Variants in METTL15 observed in about 807,000 individuals in gnomAD.
METTL15 encodes 12S rRNA N(4)-cytidine methyltransferase METTL15.
A neutral mutation model predicts 38.3 loss-of-function variants in METTL15; 34 were observed. The observed-to-expected ratio is 0.89, with a 90% CI of 0.68 to 1.18. The LOEUF is 1.18. Ranked by LOEUF, METTL15 falls within the 50% of genes most tolerant of loss-of-function variation. The pLI is 0.00. For synonymous variants in METTL15, 162 were observed against 170.9 expected (o/e 0.95, Z 0.41); for missense variants, 438 against 498.4 (o/e 0.88, Z 1.15).
At chr11:28,182,544 T>G (rs1851330684) in intron 3 of METTL15, among the ~76,000 whole-genome samples, 1 of 152,118 alleles carries the variant, frequency 6.6e-6, no homozygotes, top group Non-Finnish European at 1.5e-5. Flanking sequence ...TTTGTCAGGT[T>G]TGTCAAAGAT....
chr11:28,523,943 G>T (rs1851787817), intron 6 of METTL15, among the ~76,000 whole-genome samples: 1 of 152,206 alleles, frequency 6.6e-6, no homozygotes, highest in Non-Finnish European at 1.5e-5. Flanking sequence ...AGCACAGAGT[G>T]GGTAGAGGCC....
intron 5 of METTL15, among the ~76,000 whole-genome samples, chr11:28,389,742 T>C (rs1221726754): frequency 1.3e-5 from 2 of 151,794 alleles, no homozygotes; most frequent in African/African-American, 2.4e-5. Flanking sequence ...TTTGGGTATA[T>C]ACCCAGTAAT....
chr11:28,258,425 C>A (rs1330266344), intron 4 of METTL15, among the ~76,000 whole-genome samples: 1 of 152,128 alleles, frequency 6.6e-6, no homozygotes, highest in East Asian at 1.9e-4. Context: ...CAACAGTCAG[C>A]AGGTAGCAAA....
At chr11:28,238,026 T>C (rs1854092680) in intron 4 of METTL15, among the ~76,000 whole-genome samples, 1 of 152,134 alleles carries the variant, frequency 6.6e-6, no homozygotes, top group South Asian at 2.1e-4. Context: ...GGAGGGTGCC[T>C]CCCAGTTAGG....
chr11:28,193,360 G>A (rs570480092), intron 3 of METTL15, among the ~76,000 whole-genome samples: 47 of 152,168 alleles, frequency 3.1e-4, no homozygotes, highest in African/African-American at 1.1e-3. Context: ...GTAGGCTAAG[G>A]GCAAGCAGGC....
chr11:28,326,663 A>T (rs189645552), intron 6 of METTL15, among the ~76,000 whole-genome samples: 106 of 151,934 alleles, frequency 7.0e-4, no homozygotes, highest in African/African-American at 2.4e-3. Flanking sequence ...TGCAGTCTCA[A>T]CCTCCCCAGA....
intron 4 of METTL15, among the ~76,000 whole-genome samples, chr11:28,214,402 C>T (rs763321171): frequency 1.3e-5 from 2 of 151,920 alleles, no homozygotes; most frequent in Non-Finnish European, 2.9e-5. Flanking sequence ...TATAGAAATA[C>T]AAAAATTGAA....
At chr11:28,213,623 A>G (rs1260879861) in intron 4 of METTL15, among the ~76,000 whole-genome samples, 2 of 151,232 alleles carry the variant, frequency 1.3e-5, no homozygotes, top group Non-Finnish European at 2.9e-5. Flanking sequence ...TCTTAAAAAA[A>G]AAAAAAAAAA....
chr11:28,222,477 A>T (rs1853284167), intron 4 of METTL15, among the ~76,000 whole-genome samples: 1 of 152,170 alleles, frequency 6.6e-6, no homozygotes, highest in Non-Finnish European at 1.5e-5. Flanking sequence ...TAGGAAAGGG[A>T]ATTCCCTGAC....
intron 3 of METTL15, among the ~76,000 whole-genome samples, chr11:28,142,395 G>T (rs946764548): frequency 5.3e-5 from 8 of 152,160 alleles, no homozygotes; most frequent in Admixed American, 5.2e-4. Flanking sequence ...TTATTTTTGG[G>T]TAAGTGTTAA....
In METTL15 at chr11:28,372,888, C is replaced by G. The variant is rs542742579; in HGVS notation, c.*358+10852C>G. Among the ~76,000 whole-genome samples the G allele has an allele frequency of 1.2e-3, 174 of 146,480 alleles. 1 individual carries two copies. The East Asian group carries it at 0.027, about 23-fold the overall frequency. ...TGCGGTGTTTGGTTTTTTGTTCTTG[C>G]GATAGTTTACTGAGAATGATGATTT... is the stretch of plus-strand genomic sequence containing the variant. On this transcript the variant is annotated intron_variant and NMD_transcript_variant, in intron 5 of 7. Transcript: ENST00000532947.
intron 3 of METTL15, among the ~76,000 whole-genome samples, chr11:28,150,610 A>G: frequency 6.6e-6 from 1 of 150,844 alleles, no homozygotes; most frequent in East Asian, 1.9e-4. Flanking sequence ...CCTCTCCTTT[A>G]TACACATATC....
intron 4 of METTL15, among the ~76,000 whole-genome samples, chr11:28,283,478 T>C (rs541718068): frequency 1.3e-5 from 2 of 152,296 alleles, no homozygotes; most frequent in East Asian, 3.9e-4. Context: ...CTTATTAGAT[T>C]GTATGCCGTT....
At chr11:28,413,219 A>G (rs1015131390) in intron 5 of METTL15, among the ~76,000 whole-genome samples, 1 of 152,018 alleles carries the variant, frequency 6.6e-6, no homozygotes, top group Non-Finnish European at 1.5e-5. Flanking sequence ...CTATTTCATC[A>G]AAACAGATAT....
intron 3 of METTL15, among the ~76,000 whole-genome samples, chr11:28,137,856 T>A (rs896116511): frequency 2.8e-4 from 43 of 152,094 alleles, no homozygotes; most frequent in African/African-American, 9.9e-4. Flanking sequence ...ATTAGAGCTA[T>A]TTTTTATAAA....
At chr11:28,175,398 T>C (rs1297613550) in intron 3 of METTL15, among the ~76,000 whole-genome samples, 2 of 152,256 alleles carry the variant, frequency 1.3e-5, no homozygotes, top group South Asian at 2.1e-4. Flanking sequence ...AATAGTGCTG[T>C]AATAAACATA....
rs1340488275 is a variant in METTL15, at chr11:28,449,835, A to G, written c.*424+25471A>G. The stretch of plus-strand genomic sequence containing the variant: ...ACAGGATGAAAAGGGAGAAGAGCCC[A>G]GCCGAGATCAGCCTTCCAGCTGTTC... On this transcript the variant is annotated intron_variant and NMD_transcript_variant, in intron 6 of 7. Transcript: ENST00000532947. Among the ~76,000 whole-genome samples the G allele has an allele frequency of 3.3e-5, 5 of 152,318 alleles. No homozygotes were observed. In the East Asian group the frequency reaches 9.7e-4, roughly 29 times the overall value.
intron 3 of METTL15, among the ~76,000 whole-genome samples, chr11:28,172,954 AATT>A (rs1199233535): frequency 2.6e-5 from 4 of 152,170 alleles, no homozygotes; most frequent in African/African-American, 9.7e-5. Flanking sequence ...GGAGACTAGA[AATT>A]AATGAGTGAT....
intron 5 of METTL15, among the ~76,000 whole-genome samples, chr11:28,397,170 C>T (rs1850579443): frequency 6.6e-6 from 1 of 152,066 alleles, no homozygotes; most frequent in Admixed American, 6.6e-5. Context: ...CCATTCAGGA[C>T]ATAGGCATGG....
Sources: allele counts gnomAD v4.1 joint callset (sites outside exome capture counted in the v4.1 genomes callset), GRCh38; gene constraint gnomAD v4.1.1; transcripts MANE v1.5; gene names NCBI Gene and HGNC (gene_info 2026-07-23, HGNC 2026-07-21).